TFIP11: variants seen among roughly 807,000 people sequenced by gnomAD.
TFIP11 encodes tuftelin interacting protein 11, also known as tuftelin-interacting protein 11.
TFIP11 carries 86 observed loss-of-function variants against 96.8 expected under a neutral mutation model. The observed-to-expected ratio is 0.89, with a 90% CI of 0.75 to 1.06. The LOEUF (loss-of-function observed/expected upper bound fraction) is 1.06. Among genes scored for constraint, TFIP11 ranks in the 50% least tolerant of loss-of-function variants. TFIP11 has a pLI of 0.00. For missense variants in TFIP11, 881 were observed against 1,076.7 expected (o/e 0.82, Z 2.54); for synonymous variants, 405 against 395.2 (o/e 1.02, Z -0.29).
chr22:26,496,177 T>A lies in TFIP11; in HGVS notation c.1745A>T (p.His582Leu). The A allele has an allele frequency of 3.7e-6, 6 of 1,613,634 alleles. No homozygotes were observed. Among genetic ancestry groups the A allele is most frequent in the Non-Finnish European group, 5.1e-6 (6 of 1,179,988 alleles). ...GAGCTTGGCAGAGGAGTCGCTGGGG[T>A]GCCACTTCTGCAGGGCGCTGGACAG... ...SKLSSALQKW[H>L]PSDSSAKLIL... The change falls in exon 12 of 15, where the codon CAC becomes CTC. Residue 582 changes from histidine to leucine, a missense_variant. Transcript: ENST00000407690.
chr22:26,494,521 G>T, intron 13 of TFIP11: 1 of 706,854 alleles, frequency 1.4e-6, no homozygotes, highest in Non-Finnish European at 2.3e-6. Flanking sequence ...CTGAGCCTCA[G>T]CTTCCATGTC....
intron 4 of TFIP11, among the ~76,000 whole-genome samples, chr22:26,508,945 C>G (rs1161547244): frequency 1.3e-5 from 2 of 152,066 alleles, no homozygotes; most frequent in African/African-American, 4.8e-5. Flanking sequence ...CCTGGCACAC[C>G]CTGGTTGAGT....
intron 12 of TFIP11, among the ~76,000 whole-genome samples, chr22:26,495,353 C>T (rs867068980): frequency 1.4e-4 from 18 of 130,410 alleles, no homozygotes; most frequent in Admixed American, 1.0e-3. Flanking sequence ...TCTTGGCTCA[C>T]TGCAACCTCT....
chr22:26,494,897 T>C lies in TFIP11; in HGVS notation c.1892A>G (p.His631Arg). The part of the protein sequence containing the change: ...GELVINPHQQ[H>R]MDAFYWVIDW... ...AATCACCCAATAGAATGCATCCATG[T>C]GCTGCTGGTGGGGGTTAATGACTAG... The change falls in exon 13 of 15, where the codon CAC becomes CGC. Residue 631 changes from histidine to arginine, a missense_variant. Coordinates refer to ENST00000407690, the MANE Select transcript of TFIP11 (RefSeq NM_012143.4). The C allele has an allele frequency of 1.2e-6, 2 of 1,614,174 alleles. No homozygotes were observed. The highest frequency in any genetic ancestry group is 8.5e-7 in the Non-Finnish European group (1 of 1,180,036).
chr22:26,502,001 T>G lies in TFIP11; in HGVS notation c.700A>C (p.Lys234Gln). ...GTCTTGTAAGAGTATTTGGGCTTCT[T>G]CTTGCTTCCACTTGGGTCTTTCCTC... ...QWRKDPSGSK[K>Q]KPKYSYKTVE... Residue 234 changes from lysine (K) to glutamine (Q), a missense_variant, in exon 8 of 15, where the codon AAG becomes CAG. Transcript: ENST00000407690. The G allele has an allele frequency of 6.2e-7, 1 of 1,613,984 alleles. No individual in the cohort carries two copies. The highest frequency in any genetic ancestry group is 8.5e-7 in the Non-Finnish European group (1 of 1,180,012).
intron 14 of TFIP11, chr22:26,492,834 A>G (rs1921387246): frequency 5.8e-6 from 1 of 173,386 alleles, no homozygotes; most frequent in African/African-American, 2.4e-5. Flanking sequence ...GGGAGCTGAA[A>G]TGAGTGTTTA....
rs988656517 is a variant in TFIP11, at chr22:26,512,185, G to A, written c.-172-10C>T. On this transcript the variant is annotated splice_polypyrimidine_tract_variant and intron_variant, in intron 1 of 14. Coordinates refer to ENST00000407690, the MANE Select transcript of TFIP11 (RefSeq NM_012143.4). Reference sequence around the variant, plus strand: ...GTCTCTCTCTTGCTGTCTAGGTTTGGTGAAGGAAGCTCAGGTTCTTAAATG... The same window carrying A: ...GTCTCTCTCTTGCTGTCTAGGTTTGATGAAGGAAGCTCAGGTTCTTAAATG... 1 of 152,264 alleles carries A rather than the reference G, an allele frequency of 6.6e-6. No individual in the cohort carries two copies. Among genetic ancestry groups the A allele is most frequent in the African/African-American group, 2.4e-5 (1 of 41,452 alleles). 9.4% of individuals were successfully genotyped at this position (152,264 alleles called of 1,614,324 possible).
intron 13 of TFIP11, 98 bp downstream of exon 13, chr22:26,494,699 T>C: frequency 1.3e-6 from 2 of 1,512,578 alleles, no homozygotes; most frequent in Non-Finnish European, 1.8e-6. Flanking sequence ...TAATTTATTT[T>C]CATTATGGAA....
In TFIP11 at chr22:26,498,567, C is replaced by CAAATTGG. The variant is rs1318498199; in HGVS notation, c.1436+295_1436+301dup. On this transcript the variant is annotated intron_variant, in intron 10 of 14. Coordinates refer to ENST00000407690, the MANE Select transcript of TFIP11 (RefSeq NM_012143.4). ...AAAAAAAAAAAAAAAAAAAAGACTA[C>CAAATTGG]AAATTGGATTCAATGTATACTTCTC... The CAAATTGG allele has an allele frequency of 1.3e-3, 230 of 181,516 alleles. 2 individuals carry two copies. Among genetic ancestry groups the CAAATTGG allele is most frequent in the African/African-American group, 5.5e-3 (222 of 40,018 alleles). The allele number at this position is 181,516 out of a possible 1,614,324, so 11.2% of individuals were successfully genotyped here.
rs1344449069 is a variant in TFIP11, at chr22:26,502,183, G to A, written c.649-131C>T. On this transcript the variant is annotated intron_variant, in intron 7 of 14. Coordinates refer to ENST00000407690, the MANE Select transcript of TFIP11 (RefSeq NM_012143.4). ...TATTTACAAGCTCTATATGAAGGAAGGAAAGGATGCACCTGCAAGACACCA... is the reference window on the plus strand; with the variant it reads ...TATTTACAAGCTCTATATGAAGGAAAGAAAGGATGCACCTGCAAGACACCA... 4.5e-6 allele frequency: 5 copies of A among 1,121,730 alleles called. No homozygotes were observed. In the African/African-American group the frequency reaches 4.6e-5, roughly 10 times the overall value. The allele number at this position is 1,121,730 out of a possible 1,614,324, so 69.5% of individuals were successfully genotyped here. A position where few individuals can be genotyped will look rare whatever the true frequency, so the allele number is the denominator to read the frequency against.
In TFIP11 at chr22:26,492,365, G is replaced by A. The variant is rs747177089; in HGVS notation, c.2162C>T (p.Ala721Val). ...MNRAVSSNVG[A>V]YMQPGARENI... The stretch of plus-strand genomic sequence containing the variant: ...CTCCCGTGCTCCTGGCTGCATGTAG[G>A]CACCTAAGATACAGGAGGACAGGGC... Residue 721 changes from alanine to valine, a missense_variant, in exon 15 of 15, where the codon GCC becomes GTC. Physicochemically the swap from Ala to Val is moderately conservative, Grantham distance 64 (BLOSUM62 0). Transcript: ENST00000407690. 6 of 1,613,916 alleles carry A rather than the reference G, an allele frequency of 3.7e-6. 1 individual carries two copies. The South Asian group carries it at 6.6e-5, about 18-fold the overall frequency.
At chr22:26,492,651 A>G in intron 14 of TFIP11, 1 of 394,534 alleles carries the variant, frequency 2.5e-6, no homozygotes, top group South Asian at 2.6e-5. Flanking sequence ...AGCTGGAAAC[A>G]TTAACAGAGA....
rs778025719 is a variant in TFIP11 at position 26,491,460 on chromosome 22, C to T, written c.*553G>A. On this transcript the variant is annotated 3_prime_UTR_variant, in exon 15 of 15. Coordinates refer to ENST00000407690, the MANE Select transcript of TFIP11 (RefSeq NM_012143.4). ...GTTTTTATACTTGAATTTTTCTGCT[C>T]AGATTTTAAAAGGACTGGAGGAGCT... 4 of 1,607,248 alleles carry T rather than the reference C, an allele frequency of 2.5e-6. No homozygotes were observed. Among genetic ancestry groups the T allele is most frequent in the East Asian group, 2.2e-5 (1 of 44,824 alleles).
chr22:26,512,267 G>A (rs1246999898), intron 1 of TFIP11, 92 bp from the exon 2 acceptor site: 3 of 152,196 alleles, frequency 2.0e-5, no homozygotes, highest in Non-Finnish European at 4.4e-5. Context: ...TCCGTGCCTC[G>A]GCAGAGCTGT....
chr22:26,497,034 T>C, intron 10 of TFIP11, 145 bp from the exon 11 acceptor site: 2 of 953,470 alleles, frequency 2.1e-6, no homozygotes, highest in Non-Finnish European at 3.1e-6. Context: ...CCAGTCACCA[T>C]ACTGGCCAGA....
chr22:26,492,265 AGCCTCCC>A lies in TFIP11; in HGVS notation c.2255_2261del (p.Arg752LeufsTer18). ...CAATGCCCCTCTGAGCCATGTTCTCAGCCTCCCGCCTCTCCTGCATGGCCTCGTACTG... is the reference window on the plus strand; with the variant it reads ...CAATGCCCCTCTGAGCCATGTTCTCAGCCTCTCCTGCATGGCCTCGTACTG... On this transcript the variant is annotated frameshift_variant, in exon 15 of 15. Coordinates refer to ENST00000407690, the MANE Select transcript of TFIP11 (RefSeq NM_012143.4). LOFTEE classifies it high-confidence loss of function. The A allele has an allele frequency of 6.2e-7, 1 of 1,614,212 alleles. No individual in the cohort carries two copies. Among genetic ancestry groups the A allele is most frequent in the Non-Finnish European group, 8.5e-7 (1 of 1,180,024 alleles).
chr22:26,492,527 C>G, intron 14 of TFIP11, 159 bp from the exon 15 acceptor site: 1 of 639,276 alleles, frequency 1.6e-6, no homozygotes, highest in Non-Finnish European at 2.7e-6. Flanking sequence ...GTTTAGACGA[C>G]TGGCCAGTAT....
Position 26,491,283 on chromosome 22 carries a change from T to C in TFIP11, c.*730A>G, listed in dbSNP as rs1334726719. The C allele has an allele frequency of 2.8e-6, 2 of 702,576 alleles. No homozygotes were observed. Among genetic ancestry groups the C allele is most frequent in the Non-Finnish European group, 4.8e-6 (2 of 420,440 alleles). 43.5% of individuals were successfully genotyped at this position (702,576 alleles called of 1,614,324 possible). A position where few individuals can be genotyped will look rare whatever the true frequency, so the allele number is the denominator to read the frequency against. ...CCTTTATTCTTAGTATCACAGTCCA[T>C]GATATCCACTGTCCTTGGGGCGCCC... On this transcript the variant is annotated 3_prime_UTR_variant, in exon 15 of 15. Transcript: ENST00000407690.
chr22:26,508,965 C>T (rs771282671), intron 4 of TFIP11, among the ~76,000 whole-genome samples: 5 of 152,104 alleles, frequency 3.3e-5, no homozygotes, highest in Admixed American at 6.5e-5. Context: ...TGAGGTTCAG[C>T]CAGGGCACAC....
Sources: gnomAD v4.1 joint callset for allele counts (sites outside exome capture counted in the v4.1 genomes callset) on GRCh38, gnomAD v4.1.1 for gene constraint, MANE v1.5 for transcripts, NCBI Gene and HGNC (gene_info 2026-07-23, HGNC 2026-07-21) for gene names.